Variants in ATF6 observed in about 807,000 individuals in gnomAD.
The protein encoded by ATF6 is activating transcription factor 6.
ATF6 carries 53 observed loss-of-function variants against 83.6 expected under a neutral mutation model. The ratio of observed to expected loss-of-function variants is 0.63; its 90% confidence interval spans 0.51 to 0.80. ATF6 has a LOEUF of 0.80. Among genes scored for constraint, ATF6 ranks in the 30% least tolerant of loss-of-function variants. ATF6 has a pLI of 0.00. For missense variants in ATF6, 744 were observed against 797.9 expected (o/e 0.93, Z 0.81); for synonymous variants, 288 against 285.8 (o/e 1.01, Z -0.08).
intron 9 of ATF6, among the ~76,000 whole-genome samples, chr1:161,834,901 A>G (rs920597875): frequency 6.6e-6 from 1 of 152,324 alleles, no homozygotes; most frequent in East Asian, 1.9e-4. Flanking sequence ...TGTGAGAGAT[A>G]TTGGACAAGA....
chr1:161,959,648 C>T lies in ATF6; in HGVS notation c.*994C>T, dbSNP rs1234543977. On this transcript the variant is annotated 3_prime_UTR_variant, in exon 16 of 16. Coordinates refer to ENST00000367942, the MANE Select transcript of ATF6 (RefSeq NM_007348.4). ...TCCCGCCACTGCACTCCAGCCTGGG[C>T]GACAGAGCGAGACTCCGTCTCAAAA... 4.6e-5 allele frequency: 6 copies of T among 130,494 alleles called. No homozygotes were observed. The highest frequency in any genetic ancestry group is 4.5e-3 in the Middle Eastern group (1 of 220). 8.1% of individuals were successfully genotyped at this position (130,494 alleles called of 1,614,324 possible).
At chr1:161,774,753 A>G (rs1684476440) in intron 1 of ATF6, among the ~76,000 whole-genome samples, 1 of 152,202 alleles carries the variant, frequency 6.6e-6, no homozygotes, top group Non-Finnish European at 1.5e-5. Flanking sequence ...TCCAATTCAA[A>G]GACACCATTC....
At chr1:161,817,874 G>A (rs1339183228) in intron 7 of ATF6, among the ~76,000 whole-genome samples, 1 of 152,020 alleles carries the variant, frequency 6.6e-6, no homozygotes, top group East Asian at 1.9e-4. Context: ...GAGGCGGGCG[G>A]ATCAGGAGGT....
chr1:161,952,727 A>G (rs933497182), intron 15 of ATF6, among the ~76,000 whole-genome samples: 1 of 152,204 alleles, frequency 6.6e-6, no homozygotes, highest in Non-Finnish European at 1.5e-5. Context: ...AACAAGTCAG[A>G]CGCTTGCACT....
intron 14 of ATF6, among the ~76,000 whole-genome samples, chr1:161,894,565 T>C (rs796807000): frequency 8.5e-6 from 1 of 117,286 alleles, no homozygotes; most frequent in African/African-American, 3.2e-5. Flanking sequence ...GAGACAGAGT[T>C]TCACTCTGTC....
At chr1:161,941,298 C>T (rs74125049) in intron 15 of ATF6, among the ~76,000 whole-genome samples, 2,984 of 152,258 alleles carry the variant, frequency 0.02, 109 homozygotes, top group African/African-American at 0.067. Context: ...AGTGCAAAAA[C>T]ATGGTTGTTG....
chr1:161,876,819 T>C (rs911801185), intron 14 of ATF6, among the ~76,000 whole-genome samples: 1 of 152,044 alleles, frequency 6.6e-6, no homozygotes, highest in Non-Finnish European at 1.5e-5. Flanking sequence ...GTATCTTATA[T>C]GTAGACAGTA....
chr1:161,840,977 CT>C (rs1217146875), intron 9 of ATF6, among the ~76,000 whole-genome samples: 2 of 152,130 alleles, frequency 1.3e-5, no homozygotes, highest in African/African-American at 2.4e-5. Flanking sequence ...ATATTATGAA[CT>C]AGAAACAGTC....
chr1:161,851,915 A>G (rs1295003666), intron 11 of ATF6, 80 bp downstream of exon 11: 3 of 943,938 alleles, frequency 3.2e-6, no homozygotes, highest in Non-Finnish European at 5.1e-6. Flanking sequence ...TAATTGGTCA[A>G]GTTCACTAAG....
At chr1:161,890,501 T>C (rs1224958956) in intron 14 of ATF6, among the ~76,000 whole-genome samples, 1 of 152,260 alleles carries the variant, frequency 6.6e-6, no homozygotes, top group Non-Finnish European at 1.5e-5. Context: ...CATGTAAGTA[T>C]GCCGCCTTGC....
intron 15 of ATF6, among the ~76,000 whole-genome samples, chr1:161,917,964 G>C (rs1340710641): frequency 1.3e-5 from 2 of 152,078 alleles, no homozygotes; most frequent in Admixed American, 6.5e-5. Context: ...CTATATAGCA[G>C]AGCCAAGATT....
At chr1:161,815,763 A>T (rs1258553940) in intron 7 of ATF6, among the ~76,000 whole-genome samples, 1 of 152,046 alleles carries the variant, frequency 6.6e-6, no homozygotes, top group Non-Finnish European at 1.5e-5. Context: ...GGCAACATAG[A>T]GAGATCCTAT....
intron 9 of ATF6, among the ~76,000 whole-genome samples, chr1:161,822,818 G>C (rs1433840513): frequency 6.6e-6 from 1 of 152,162 alleles, no homozygotes; most frequent in Non-Finnish European, 1.5e-5. Flanking sequence ...ACATCTAAAA[G>C]AAGATTAGGA....
chr1:161,955,013 T>G (rs572940178), intron 15 of ATF6, among the ~76,000 whole-genome samples: 1 of 152,222 alleles, frequency 6.6e-6, no homozygotes, highest in Non-Finnish European at 1.5e-5. Flanking sequence ...TCATTAAGTA[T>G]ACATTTACAA....
At chr1:161,837,777 G>GT (rs1686259289) in intron 9 of ATF6, among the ~76,000 whole-genome samples, 2 of 152,104 alleles carry the variant, frequency 1.3e-5, no homozygotes, top group Admixed American at 6.5e-5. Flanking sequence ...AAGGTAGCTA[G>GT]TTTTTTCTGC....
intron 6 of ATF6, among the ~76,000 whole-genome samples, chr1:161,792,831 T>C (rs1487513380): frequency 6.6e-6 from 1 of 152,118 alleles, no homozygotes; most frequent in Non-Finnish European, 1.5e-5. Context: ...ATTTGTGTGT[T>C]TCGTATTTTA....
chr1:161,899,625 A>G (rs1295056226), intron 14 of ATF6, among the ~76,000 whole-genome samples: 2 of 152,248 alleles, frequency 1.3e-5, no homozygotes. Context: ...AAGACAAAAC[A>G]TTCCATGTAA....
At chr1:161,908,362 A>G (rs1281361805) in intron 14 of ATF6, among the ~76,000 whole-genome samples, 1 of 152,180 alleles carries the variant, frequency 6.6e-6, no homozygotes, top group Non-Finnish European at 1.5e-5. Context: ...CGTAACTTTG[A>G]AGGCTGTGTT....
At position 161,792,431 on chromosome 1, in the gene ATF6, G is replaced by C. The variant is rs147314116; in HGVS notation, c.688+104G>C. On this transcript the variant is annotated intron_variant, in intron 6 of 15. Transcript: ENST00000367942. Reference sequence around the variant, plus strand: ...AGGTTATAATTTCTGAGCACGTGCTGTTTGTCAGGAATGTCTTTGGTTATG... The same window carrying C: ...AGGTTATAATTTCTGAGCACGTGCTCTTTGTCAGGAATGTCTTTGGTTATG... 222 of 1,126,336 alleles carry C rather than the reference G, an allele frequency of 2.0e-4. 3 individuals carry two copies. In the East Asian group the frequency reaches 4.6e-3, roughly 23 times the overall value. The allele number at this position is 1,126,336 out of a possible 1,614,324, so 69.8% of individuals were successfully genotyped here. A position where few individuals can be genotyped will look rare whatever the true frequency, so the allele number is the denominator to read the frequency against.
Sources: gnomAD v4.1 joint callset for allele counts (sites outside exome capture counted in the v4.1 genomes callset) on GRCh38, gnomAD v4.1.1 for gene constraint, MANE v1.5 for transcripts, NCBI Gene and HGNC (gene_info 2026-07-23, HGNC 2026-07-21) for gene names.